Variants in NOS1AP observed in about 807,000 individuals in gnomAD.
NOS1AP encodes nitric oxide synthase 1 adaptor protein.
Under a neutral mutation model 56.2 loss-of-function variants are expected in NOS1AP, and 21 were observed. The ratio of observed to expected loss-of-function variants is 0.37; its 90% confidence interval spans 0.26 to 0.54. NOS1AP has a LOEUF of 0.54. Ranked by LOEUF, NOS1AP falls within the 20% of genes least tolerant of loss-of-function variation. NOS1AP has a pLI of 0.84. For missense variants in NOS1AP, 522 were observed against 657.8 expected (o/e 0.79, Z 2.26); for synonymous variants, 270 against 274.6 (o/e 0.98, Z 0.17).
At chr1:162,336,529 A>G (rs895512021) in intron 5 of NOS1AP, among the ~76,000 whole-genome samples, 5 of 152,206 alleles carry the variant, frequency 3.3e-5, no homozygotes, top group African/African-American at 9.6e-5. Flanking sequence ...TCACTTTAAC[A>G]TAGATTTTCC....
At chr1:162,135,053 A>AT (rs1455633313) in intron 1 of NOS1AP, among the ~76,000 whole-genome samples, 4 of 152,136 alleles carry the variant, frequency 2.6e-5, no homozygotes. Flanking sequence ...AAGTTCAAAA[A>AT]TTATCTTCTC....
intron 1 of NOS1AP, among the ~76,000 whole-genome samples, chr1:162,104,047 A>G (rs2102034241): frequency 1.3e-5 from 2 of 152,220 alleles, no homozygotes; most frequent in Middle Eastern, 3.4e-3. Flanking sequence ...GCTAGTAATG[A>G]TTTTTTGTTT....
rs150259684 is a variant in NOS1AP, at chr1:162,358,891, G to A, written c.939+1755G>A. On this transcript the variant is annotated intron_variant, in intron 8 of 9. Coordinates refer to ENST00000361897, the MANE Select transcript of NOS1AP (RefSeq NM_014697.3). ...TACTAGAGAGAAACTATTTGCAAAT[G>A]TGTAATCCACACAATAGTGTTGTGG... Among the ~76,000 whole-genome samples the A allele has an allele frequency of 2.0e-5, 3 of 152,330 alleles. No individual in the cohort carries two copies. In the East Asian group the frequency reaches 5.8e-4, roughly 29 times the overall value.
chr1:162,112,202 C>G (rs1396281979), intron 1 of NOS1AP, among the ~76,000 whole-genome samples: 1 of 152,226 alleles, frequency 6.6e-6, no homozygotes, highest in Non-Finnish European at 1.5e-5. Flanking sequence ...ACCTCCCTCT[C>G]TGATGGTTGG....
chr1:162,275,866 A>G (rs373444650), intron 2 of NOS1AP, among the ~76,000 whole-genome samples: 1 of 152,216 alleles, frequency 6.6e-6, no homozygotes, highest in East Asian at 1.9e-4. Flanking sequence ...GTAATGCCAC[A>G]TGCTTTAATA....
intron 1 of NOS1AP, among the ~76,000 whole-genome samples, chr1:162,087,231 G>C (rs1379985531): frequency 1.3e-5 from 2 of 152,108 alleles, no homozygotes; most frequent in Non-Finnish European, 2.9e-5. Flanking sequence ...GCCCCTTAGT[G>C]AGTCTTTATT....
chr1:162,365,341 T>A (rs1396549320), intron 8 of NOS1AP, 63 bp from the exon 9 acceptor site: 1 of 1,610,956 alleles, frequency 6.2e-7, no homozygotes, highest in Non-Finnish European at 8.5e-7. Flanking sequence ...GTGACTCTCA[T>A]GTGCATTCAT....
chr1:162,183,475 A>G (rs1651329575), intron 2 of NOS1AP, among the ~76,000 whole-genome samples: 1 of 152,120 alleles, frequency 6.6e-6, no homozygotes, highest in Non-Finnish European at 1.5e-5. Flanking sequence ...CCAGTTATTG[A>G]TTTCTCTTCT....
At chr1:162,298,112 C>T (rs146189752) in intron 3 of NOS1AP, among the ~76,000 whole-genome samples, 1 of 152,240 alleles carries the variant, frequency 6.6e-6, no homozygotes, top group Non-Finnish European at 1.5e-5. Flanking sequence ...CACGGAAGAC[C>T]GTCCTCACTG....
At chr1:162,303,904 C>CTTTTTTTTTTTTTT (rs35658165) in intron 4 of NOS1AP, among the ~76,000 whole-genome samples, 8 of 110,682 alleles carry the variant, frequency 7.2e-5, no homozygotes, top group Non-Finnish European at 7.4e-5. Flanking sequence ...TCTGGCTTGT[C>CTTTTTTTTTTTTTT]TTTTTTTTTT....
At chr1:162,171,251 A>C (rs904607623) in intron 2 of NOS1AP, among the ~76,000 whole-genome samples, 2 of 152,192 alleles carry the variant, frequency 1.3e-5, no homozygotes, top group South Asian at 2.1e-4. Flanking sequence ...AGGCATGAAA[A>C]GGTTGTGGCT....
At chr1:162,186,872 A>G (rs1651451431) in intron 2 of NOS1AP, among the ~76,000 whole-genome samples, 1 of 152,218 alleles carries the variant, frequency 6.6e-6, no homozygotes, top group East Asian at 1.9e-4. Flanking sequence ...AGATTTTCAG[A>G]TTGTAATTGT....
rs11429407 is a variant in NOS1AP, at chr1:162,273,160, C to CTTTT, written c.178-14166_178-14163dup. On this transcript the variant is annotated intron_variant, in intron 2 of 9. Transcript: ENST00000361897. ...CAGGACAACTCTGGAAGCCCTTGTT[C>CTTTT]TTTTTTTTTTTTTTTTTTTTTGAGA... is the stretch of plus-strand genomic sequence containing the variant. Among the ~76,000 whole-genome samples the CTTTT allele has an allele frequency of 5.9e-4, 63 of 106,170 alleles. 1 individual carries two copies. The highest frequency in any genetic ancestry group is 7.8e-4 in the Non-Finnish European group (44 of 56,762). The allele number at this position is 106,170 out of a possible 152,430, so 69.7% of individuals were successfully genotyped here. A position where few individuals can be genotyped will look rare whatever the true frequency, so the allele number is the denominator to read the frequency against.
At chr1:162,221,533 C>T (rs1375535292) in intron 2 of NOS1AP, among the ~76,000 whole-genome samples, 3 of 24,968 alleles carry the variant, frequency 1.2e-4, no homozygotes, top group East Asian at 2.0e-3. Context: ...CACACACGCG[C>T]GCACACACAC....
At chr1:162,295,643 C>G (rs1262127853) in intron 3 of NOS1AP, among the ~76,000 whole-genome samples, 1 of 152,028 alleles carries the variant, frequency 6.6e-6, no homozygotes, top group Non-Finnish European at 1.5e-5. Flanking sequence ...ATAAGAGACA[C>G]AATTTCAGAC....
chr1:162,350,741 C>T (rs1487655793), intron 6 of NOS1AP, among the ~76,000 whole-genome samples: 2 of 152,182 alleles, frequency 1.3e-5, no homozygotes, highest in Admixed American at 6.5e-5. Context: ...ATCCTCGTGT[C>T]GTACATTAGA....
chr1:162,176,077 G>C (rs1651044318), intron 2 of NOS1AP, among the ~76,000 whole-genome samples: 1 of 152,164 alleles, frequency 6.6e-6, no homozygotes, highest in Non-Finnish European at 1.5e-5. Context: ...CACTTCTTCA[G>C]TGAGATTATT....
chr1:162,239,297 A>C (rs1034100233), intron 2 of NOS1AP, among the ~76,000 whole-genome samples: 1 of 152,242 alleles, frequency 6.6e-6, no homozygotes, highest in African/African-American at 2.4e-5. Context: ...GGAAGTAGCC[A>C]TTGTGATCTA....
At chr1:162,223,099 T>G (rs907424997) in intron 2 of NOS1AP, among the ~76,000 whole-genome samples, 4 of 152,260 alleles carry the variant, frequency 2.6e-5, no homozygotes, top group Admixed American at 2.6e-4. Context: ...GTATATGTAA[T>G]CTTTAAGAAA....
Sources: allele counts gnomAD v4.1 joint callset (sites outside exome capture counted in the v4.1 genomes callset), GRCh38; gene constraint gnomAD v4.1.1; transcripts MANE v1.5; gene names NCBI Gene and HGNC (gene_info 2026-07-23, HGNC 2026-07-21).